The following TMEM245 variants were observed in gnomAD, a reference collection of about 807,000 sequenced individuals.
TMEM245 encodes protein CG-2.
In TMEM245, 69 loss-of-function variants were observed where a neutral mutation model predicts 101.2. The observed-to-expected ratio is 0.68, with a 90% CI of 0.56 to 0.83. TMEM245 has a LOEUF of 0.83. TMEM245 is among the 40% of genes least tolerant of loss of function. The probability of loss-of-function intolerance (pLI) is 0.00; values close to 1 mark genes in which losing one functional copy is unlikely to be tolerated. For synonymous variants in TMEM245, 537 were observed against 449.8 expected (o/e 1.19, Z -2.45); for missense variants, 1,075 against 1,092.8 (o/e 0.98, Z 0.23).
chr9:109,061,943 G>A (rs62575223), intron 10 of TMEM245, among the ~76,000 whole-genome samples: 9,209 of 152,110 alleles, frequency 0.061, 369 homozygotes, highest in South Asian at 0.14. Context: ...GGATATATAT[G>A]GATGTTCATT....
rs1460072082 is a variant in TMEM245, at chr9:109,018,324, G to T, written c.*2136C>A. On this transcript the variant is annotated 3_prime_UTR_variant, in exon 18 of 18. Coordinates refer to ENST00000374586, the MANE Select transcript of TMEM245 (RefSeq NM_032012.4). ...AGTATTACATATGATCTGGCTAAGA[G>T]CAAGAGGCCTTCTTATGAGTGATCT... 1 of 152,184 alleles carries T rather than the reference G, an allele frequency of 6.6e-6. No homozygotes were observed. Among genetic ancestry groups the T allele is most frequent in the Non-Finnish European group, 1.5e-5 (1 of 68,038 alleles). The allele number at this position is 152,184 out of a possible 1,614,324, so 9.4% of individuals were successfully genotyped here. A position where few individuals can be genotyped will look rare whatever the true frequency, so the allele number is the denominator to read the frequency against.
At chr9:109,041,283 G>GC (rs958226571) in intron 14 of TMEM245, among the ~76,000 whole-genome samples, 5 of 151,772 alleles carry the variant, frequency 3.3e-5, no homozygotes, top group African/African-American at 9.7e-5. Context: ...ATACTATTCA[G>GC]CCCCCCCAAA....
chr9:109,100,570 G>A (rs1225592514), intron 3 of TMEM245, among the ~76,000 whole-genome samples: 1 of 152,096 alleles, frequency 6.6e-6, no homozygotes, highest in Non-Finnish European at 1.5e-5. Flanking sequence ...GGCAAGGTTA[G>A]TCTTGAACTC....
intron 1 of TMEM245, among the ~76,000 whole-genome samples, chr9:109,108,957 GA>G (rs904839912): frequency 2.0e-5 from 3 of 151,786 alleles, no homozygotes; most frequent in African/African-American, 7.3e-5. Context: ...GGAAAGAAAA[GA>G]AAAAAACAAG....
At chr9:109,076,276 A>G (rs1008144631) in intron 8 of TMEM245, among the ~76,000 whole-genome samples, 4 of 151,522 alleles carry the variant, frequency 2.6e-5, no homozygotes, top group Admixed American at 1.3e-4. Context: ...AAACTATCGC[A>G]AAGACAAAAA....
chr9:109,110,673 A>G (rs1270667513), intron 1 of TMEM245, among the ~76,000 whole-genome samples: 3 of 152,196 alleles, frequency 2.0e-5, no homozygotes, highest in African/African-American at 4.8e-5. Flanking sequence ...TAGAGGCACA[A>G]TAACAGAAAA....
intron 14 of TMEM245, chr9:109,046,438 C>T (rs946096146): frequency 1.4e-5 from 5 of 364,278 alleles, no homozygotes; most frequent in African/African-American, 1.0e-4. Context: ...GAAATGAAAA[C>T]CCAATTGCAA....
chr9:109,087,398 C>G (rs764143593), intron 5 of TMEM245, 56 bp from the exon 6 acceptor site: 14 of 1,456,050 alleles, frequency 9.6e-6, no homozygotes, highest in Non-Finnish European at 1.3e-5. Flanking sequence ...CAAGTTGTAA[C>G]ATGAAAAGGT....
intron 14 of TMEM245, among the ~76,000 whole-genome samples, chr9:109,044,451 G>A (rs1828412942): frequency 1.3e-5 from 2 of 152,126 alleles, no homozygotes; most frequent in Non-Finnish European, 2.9e-5. Flanking sequence ...AGTCCAAAGT[G>A]AAATTCTGCC....
chr9:109,048,822 T>A (rs1404843958), intron 14 of TMEM245, among the ~76,000 whole-genome samples: 10 of 152,214 alleles, frequency 6.6e-5, no homozygotes, highest in Admixed American at 6.5e-4. Context: ...AAACAAAGCC[T>A]GTAAATACAT....
intron 8 of TMEM245, among the ~76,000 whole-genome samples, chr9:109,078,425 A>G (rs369974429): frequency 1.1e-4 from 17 of 152,218 alleles, no homozygotes; most frequent in Non-Finnish European, 1.6e-4. Flanking sequence ...AGCATTCCAT[A>G]TAAGTGCAGG....
chr9:109,077,575 T>C (rs968925993), intron 8 of TMEM245, among the ~76,000 whole-genome samples: 1 of 152,230 alleles, frequency 6.6e-6, no homozygotes, highest in Non-Finnish European at 1.5e-5. Flanking sequence ...ATTCTGAATG[T>C]TGGATTTCAT....
At chr9:109,022,072 A>AT (rs1827642671) in intron 17 of TMEM245, among the ~76,000 whole-genome samples, 1 of 152,210 alleles carries the variant, frequency 6.6e-6, no homozygotes. Flanking sequence ...GGAGGCCCAT[A>AT]GGCAAGGCAG....
intron 3 of TMEM245, among the ~76,000 whole-genome samples, chr9:109,095,829 C>G (rs1830125553): frequency 1.3e-5 from 2 of 152,198 alleles, no homozygotes; most frequent in South Asian, 2.1e-4. Context: ...CCTCTCACCC[C>G]TCTCACCACC....
chr9:109,054,486 G>A (rs1828777219), intron 12 of TMEM245, among the ~76,000 whole-genome samples: 1 of 152,184 alleles, frequency 6.6e-6, no homozygotes, highest in South Asian at 2.1e-4. Context: ...ATATGTTCAG[G>A]TATCAAAAGG....
At chr9:109,042,296 T>C (rs1828335283) in intron 14 of TMEM245, 1 of 152,182 alleles carries the variant, frequency 6.6e-6, no homozygotes, top group South Asian at 2.1e-4. Flanking sequence ...TTTTATCTTA[T>C]AATTCAGAAG....
chr9:109,032,365 C>CCTTTTTTTTTTTTT (rs1827974913), intron 17 of TMEM245, among the ~76,000 whole-genome samples: 1 of 40,960 alleles, frequency 2.4e-5, no homozygotes, highest in African/African-American at 9.8e-5. Context: ...ATTTCTTTTC[C>CCTTTTTTTTTTTTT]TTTTTTTTTT....
chr9:109,106,631 C>T, intron 2 of TMEM245, 22 bp from the exon 3 acceptor site: 1 of 1,558,484 alleles, frequency 6.4e-7, no homozygotes, highest in East Asian at 2.3e-5. Context: ...TAAGAATTAA[C>T]ATTTTTAGTG....
chr9:109,030,813 C>G (rs1827923303), intron 17 of TMEM245, among the ~76,000 whole-genome samples: 1 of 152,242 alleles, frequency 6.6e-6, no homozygotes, highest in Non-Finnish European at 1.5e-5. Flanking sequence ...CTAACCAGCT[C>G]TAACTCAGAG....
Sources: allele counts gnomAD v4.1 joint callset (sites outside exome capture counted in the v4.1 genomes callset), GRCh38; gene constraint gnomAD v4.1.1; transcripts MANE v1.5; gene names NCBI Gene and HGNC (gene_info 2026-07-23, HGNC 2026-07-21).